Variants in C2CD5 observed in about 807,000 individuals in gnomAD.
The protein encoded by C2CD5 is C2 calcium dependent domain containing 5, also known as C2 domain-containing protein 5.
In C2CD5, 109 loss-of-function variants were observed where a neutral mutation model predicts 130.3. The ratio of observed to expected loss-of-function variants is 0.84; its 90% CI spans 0.72 to 0.98. The LOEUF (loss-of-function observed/expected upper bound fraction) is 0.98, where lower values mean the gene tolerates loss of function less well. C2CD5 is among the 50% of genes least tolerant of loss of function. C2CD5 has a pLI of 0.00. For synonymous variants in C2CD5, 454 were observed against 429.2 expected, an observed-to-expected ratio of 1.06 and a Z score of -0.71; for missense variants, 996 against 1,261.8, an observed-to-expected ratio of 0.79 and a Z score of 3.19.
intron 9 of C2CD5, among the ~76,000 whole-genome samples, chr12:22,508,654 G>A (rs1006649524): frequency 6.6e-6 from 1 of 152,040 alleles, no homozygotes; most frequent in Non-Finnish European, 1.5e-5. Context: ...AAAACAGTTC[G>A]GTAATCACTG....
intron 12 of C2CD5, among the ~76,000 whole-genome samples, chr12:22,489,460 A>G (rs761136173): frequency 3.1e-4 from 47 of 152,248 alleles, no homozygotes; most frequent in Middle Eastern, 3.4e-3. Flanking sequence ...AATTTGCCAC[A>G]TGCTCAGCAT....
At chr12:22,492,332 C>T (rs1946459949) in intron 11 of C2CD5, among the ~76,000 whole-genome samples, 1 of 151,986 alleles carries the variant, frequency 6.6e-6, no homozygotes, top group Non-Finnish European at 1.5e-5. Flanking sequence ...AAGTAAGGAG[C>T]TGAGAAAACA....
intron 3 of C2CD5, among the ~76,000 whole-genome samples, chr12:22,528,750 TG>T (rs1221212392): frequency 1.3e-5 from 2 of 152,214 alleles, no homozygotes; most frequent in Non-Finnish European, 2.9e-5. Flanking sequence ...CTAAAATCTC[TG>T]TATCATTCTT....
intron 22 of C2CD5, among the ~76,000 whole-genome samples, chr12:22,466,154 G>A (rs1302982981): frequency 3.3e-5 from 5 of 151,848 alleles, no homozygotes; most frequent in African/African-American, 1.2e-4. Flanking sequence ...TTATCTACAA[G>A]TAAAAAGATG....
chr12:22,542,551 T>C (rs1952497140), intron 2 of C2CD5, among the ~76,000 whole-genome samples: 1 of 152,274 alleles, frequency 6.6e-6, no homozygotes, highest in African/African-American at 2.4e-5. Flanking sequence ...TTGCCTTTGA[T>C]GTTCCCTTTG....
chr12:22,500,963 C>T (rs1366300980), intron 10 of C2CD5, among the ~76,000 whole-genome samples: 1 of 152,050 alleles, frequency 6.6e-6, no homozygotes, highest in East Asian at 1.9e-4. Context: ...ATGGTTAGTT[C>T]TTGATTTTCT....
intron 14 of C2CD5, 89 bp downstream of exon 14, chr12:22,482,468 G>C (rs1179643042): frequency 7.2e-6 from 8 of 1,104,104 alleles, no homozygotes; most frequent in Non-Finnish European, 1.1e-5. Flanking sequence ...CTTTAGATAA[G>C]CCTTTGAAAA....
At position 22,449,773 on chromosome 12, in the gene C2CD5, T is replaced by C; in HGVS notation, c.3143A>G (p.Glu1048Gly). 1 of 1,592,442 alleles carries C rather than the reference T, an allele frequency of 6.3e-7. No homozygotes were observed. Among genetic ancestry groups the C allele is most frequent in the Middle Eastern group, 1.7e-4 (1 of 5,980 alleles). ...TNCQSSCTEG[E>G]VTT is the part of the protein sequence containing the mutation. ...TCCTAATTTTCCTCAGGTTGTAACT[T>C]CGCCTTCAGTACATGATGACTGGCA... The change falls in exon 27 of 27, where the codon GAA becomes GGA. Residue 1048 changes from glutamate to glycine, a missense_variant. Around this residue, in one of 9 missense-constraint regions of C2CD5, gnomAD observed 48 missense variants for 46.4 expected, o/e 1.03. Transcript: ENST00000446597.
intron 7 of C2CD5, among the ~76,000 whole-genome samples, chr12:22,520,176 G>GC (rs1160000366): frequency 6.6e-6 from 1 of 152,106 alleles, no homozygotes; most frequent in Non-Finnish European, 1.5e-5. Flanking sequence ...ATTTCACTGT[G>GC]CAATGCCTTT....
At chr12:22,511,498 C>T (rs7966670) in intron 9 of C2CD5, among the ~76,000 whole-genome samples, 24,201 of 152,068 alleles carry the variant, frequency 0.16, 3,829 homozygotes, top group African/African-American at 0.41. Flanking sequence ...ACTTCGAGGA[C>T]AGGCGATATA....
At chr12:22,508,158 G>A (rs1219896329) in intron 9 of C2CD5, among the ~76,000 whole-genome samples, 2 of 152,062 alleles carry the variant, frequency 1.3e-5, no homozygotes, top group Non-Finnish European at 2.9e-5. Flanking sequence ...TATCAGTCCT[G>A]TGCACCTCAG....
chr12:22,458,503 C>A lies in C2CD5; in HGVS notation c.2667G>T (p.Arg889Ser), dbSNP rs1940429763. The change falls in exon 24 of 27, where the codon AGG (arginine) becomes AGT (serine). Residue 889 changes from arginine to serine, a missense_variant. This residue lies in a region of C2CD5 where 590 missense variants were observed against 631.4 expected (regional missense o/e 0.93). Transcript: ENST00000446597. ...GCCTACTTGTCTTAATTGATCCACGCCTTATGGTCTGAGCTTTCAGTTTAA... is the reference window on the plus strand; with the variant it reads ...GCCTACTTGTCTTAATTGATCCACGACTTATGGTCTGAGCTTTCAGTTTAA... ...ELIKLKAQTI[R>S]RGSIKTTMTV... 2 of 1,289,708 alleles carry A rather than the reference C, an allele frequency of 1.6e-6. No homozygotes were observed. The highest frequency in any genetic ancestry group is 2.0e-6 in the Non-Finnish European group (2 of 1,015,524). 79.9% of individuals were successfully genotyped at this position (1,289,708 alleles called of 1,614,324 possible).
At chr12:22,480,154 T>C (rs1012287062) in intron 14 of C2CD5, among the ~76,000 whole-genome samples, 1 of 152,180 alleles carries the variant, frequency 6.6e-6, no homozygotes, top group African/African-American at 2.4e-5. Flanking sequence ...CCACCTCTAA[T>C]GTGTTTTAGC....
At chr12:22,525,265 T>G (rs1254140226) in intron 5 of C2CD5, among the ~76,000 whole-genome samples, 6 of 152,188 alleles carry the variant, frequency 3.9e-5, no homozygotes, top group Admixed American at 3.9e-4. Context: ...CAGACCCATA[T>G]ATTTCATGGA....
rs1272066783 is a variant in C2CD5, at chr12:22,453,927, C to A, written c.2993G>T (p.Cys998Phe). The A allele has an allele frequency of 6.2e-7, 1 of 1,613,346 alleles. No individual in the cohort carries two copies. ...TTTATTTGGATTCTCCATGAAGACACACTGCTTCATTATGTAGGAGACAAC... is the reference window on the plus strand; with the variant it reads ...TTTATTTGGATTCTCCATGAAGACAAACTGCTTCATTATGTAGGAGACAAC... ...NAVVSYIMKQ[C>F]VFMENPNKNQ... Residue 998 changes from cysteine (C) to phenylalanine (F), a missense_variant, in exon 26 of 27, where the codon TGT (cysteine) becomes TTT (phenylalanine). Cys to Phe is a radical substitution (Grantham distance 205, BLOSUM62 -2). Transcript: ENST00000446597.
intron 8 of C2CD5, 90 bp downstream of exon 8, chr12:22,517,896 A>C (rs1220962655): frequency 8.9e-7 from 1 of 1,120,100 alleles, no homozygotes; most frequent in South Asian, 1.6e-5. Flanking sequence ...AGTGCCAAAA[A>C]CAAGAGGAAA....
chr12:22,450,756 T>A (rs376300197), intron 26 of C2CD5, among the ~76,000 whole-genome samples: 3 of 152,116 alleles, frequency 2.0e-5, no homozygotes, highest in Non-Finnish European at 4.4e-5. Flanking sequence ...ATGCATCACA[T>A]TGTTTTTGTA....
chr12:22,455,310 TATTA>T lies in C2CD5; in HGVS notation c.2878-1272_2878-1269del, dbSNP rs1939599871. Among the ~76,000 whole-genome samples the T allele has an allele frequency of 3.9e-5, 6 of 152,314 alleles. 1 individual carries two copies. In the South Asian group the frequency reaches 1.2e-3, roughly 32 times the overall value. On this transcript the variant is annotated intron_variant, in intron 25 of 26. Transcript: ENST00000446597. ...AGCTACAGAGGATTAATTTTAAAAA[TATTA>T]ATTAACTGTAAGAAAACGACTCAGG...
At chr12:22,514,865 AAAAT>A (rs1435125048) in intron 8 of C2CD5, 100 of 432,120 alleles carry the variant, frequency 2.3e-4, no homozygotes, top group African/African-American at 2.1e-3. Context: ...ACCAGTAAGA[AAAAT>A]AATAGAAAGG....
Sources: allele counts gnomAD v4.1 joint callset (sites outside exome capture counted in the v4.1 genomes callset), GRCh38; gene constraint gnomAD v4.1.1; regional missense constraint gnomAD v4.1.1; transcripts MANE v1.5; gene names NCBI Gene and HGNC (gene_info 2026-07-23, HGNC 2026-07-21).